LRRIQ3: variants seen among roughly 807,000 people sequenced by gnomAD.
LRRIQ3 encodes the protein leucine-rich repeat and IQ domain-containing protein 3.
In LRRIQ3, 75 loss-of-function variants were observed where a neutral mutation model predicts 59.3. The ratio of observed to expected loss-of-function variants is 1.26; its 90% CI spans 1.05 to 1.53. LRRIQ3 has a LOEUF of 1.53. Ranked by LOEUF, LRRIQ3 falls within the 40% of genes most tolerant of loss-of-function variation. LRRIQ3 has a pLI of 0.00. For synonymous variants in LRRIQ3, 250 were observed against 231.3 expected (o/e 1.08, Z -0.73); for missense variants, 831 against 710.0 (o/e 1.17, Z -1.94).
At chr1:74,134,255 C>G (rs140982377) in intron 4 of LRRIQ3, among the ~76,000 whole-genome samples, 10 of 152,070 alleles carry the variant, frequency 6.6e-5, no homozygotes, top group Non-Finnish European at 1.5e-4. Flanking sequence ...AATGAAAAGT[C>G]TTTATTGATG....
intron 3 of LRRIQ3, among the ~76,000 whole-genome samples, chr1:74,170,800 A>T (rs1187526825): frequency 1.3e-5 from 2 of 152,138 alleles, no homozygotes; most frequent in African/African-American, 2.4e-5. Context: ...TTTTTAGTCC[A>T]TGAACCCAGG....
At chr1:74,031,333 T>G (rs1293685614) in intron 7 of LRRIQ3, among the ~76,000 whole-genome samples, 1 of 152,126 alleles carries the variant, frequency 6.6e-6, no homozygotes, top group African/African-American at 2.4e-5. Flanking sequence ...TGCAGCACTA[T>G]TCACAAAAGC....
At chr1:74,119,941 C>T (rs1346853216) in intron 4 of LRRIQ3, among the ~76,000 whole-genome samples, 5 of 152,002 alleles carry the variant, frequency 3.3e-5, no homozygotes, top group Non-Finnish European at 2.9e-5. Context: ...TTCCCAGTAT[C>T]TCTACAAAAA....
intron 5 of LRRIQ3, among the ~76,000 whole-genome samples, chr1:74,075,711 G>A (rs1038946182): frequency 1.3e-5 from 2 of 152,202 alleles, no homozygotes; most frequent in African/African-American, 4.8e-5. Context: ...TAGTGACAGT[G>A]TTATCTGTTT....
chr1:74,100,156 C>G (rs570773822), intron 5 of LRRIQ3, among the ~76,000 whole-genome samples: 89 of 152,252 alleles, frequency 5.8e-4, no homozygotes, highest in African/African-American at 2.1e-3. Context: ...ATCTAGAAAA[C>G]CCCATCGTCT....
At chr1:74,108,587 T>C (rs1382380413) in intron 5 of LRRIQ3, among the ~76,000 whole-genome samples, 2 of 151,774 alleles carry the variant, frequency 1.3e-5, no homozygotes, top group Non-Finnish European at 2.9e-5. Context: ...GTAATAGAAA[T>C]ATTTGTAGTT....
intron 4 of LRRIQ3, among the ~76,000 whole-genome samples, chr1:74,141,232 CTTG>C (rs1423843091): frequency 5.9e-5 from 9 of 151,786 alleles, no homozygotes; most frequent in Non-Finnish European, 1.3e-4. Flanking sequence ...CCAAGATATT[CTTG>C]TTGTCTATTC....
At position 74,041,217 on chromosome 1, in the gene LRRIQ3, CT is replaced by C; in HGVS notation, c.1713del (p.Val572LeufsTer19). 1 of 1,571,112 alleles carries C rather than the reference CT, an allele frequency of 6.4e-7. No homozygotes were observed. Among genetic ancestry groups the C allele is most frequent in the South Asian group, 1.2e-5 (1 of 84,060 alleles). ...TTATATCTAAATTGTACCTACCTAA[CT>C]TTTTTCATTTCTTTAAGTAAATTCT... is the stretch of plus-strand genomic sequence containing the variant. ...YRKNLLKEMK[K>X]VRSQEIYKRH... On this transcript the variant is annotated frameshift_variant, in exon 7 of 8. Coordinates refer to ENST00000354431, the MANE Select transcript of LRRIQ3 (RefSeq NM_001105659.2). LOFTEE classifies it low-confidence loss of function (END_TRUNC).
intron 4 of LRRIQ3, among the ~76,000 whole-genome samples, chr1:74,143,697 T>C (rs1033227594): frequency 5.9e-5 from 9 of 151,658 alleles, no homozygotes; most frequent in African/African-American, 2.2e-4. Context: ...TTACATAATT[T>C]ACTATAACAA....
At chr1:74,060,597 T>G (rs1654694756) in intron 6 of LRRIQ3, among the ~76,000 whole-genome samples, 1 of 152,130 alleles carries the variant, frequency 6.6e-6, no homozygotes, top group African/African-American at 2.4e-5. Flanking sequence ...ATCCATTGGT[T>G]ATTGGAGAGA....
chr1:74,041,975 T>C (rs1267058742), intron 6 of LRRIQ3, 42 bp from the exon 7 acceptor site: 1 of 1,443,258 alleles, frequency 6.9e-7, no homozygotes, highest in Non-Finnish European at 9.1e-7. Flanking sequence ...ATACAAGAGC[T>C]AAGTACATTT....
At chr1:74,082,568 T>C (rs1646285312) in intron 5 of LRRIQ3, 1 of 151,488 alleles carries the variant, frequency 6.6e-6, no homozygotes, top group Non-Finnish European at 1.5e-5. Context: ...TTATGAAAGA[T>C]TTAGAAAAAA....
chr1:74,143,060 A>AT (rs1647333333), intron 4 of LRRIQ3, among the ~76,000 whole-genome samples: 1 of 151,996 alleles, frequency 6.6e-6, no homozygotes, highest in Non-Finnish European at 1.5e-5. Flanking sequence ...ATAAACATCT[A>AT]TTTTTTATTC....
chr1:74,183,417 T>C lies in LRRIQ3; in HGVS notation c.249+19A>G. On this transcript the variant is annotated intron_variant, in intron 2 of 7. Coordinates refer to ENST00000354431, the MANE Select transcript of LRRIQ3 (RefSeq NM_001105659.2). ...GAAATTTCGTTTATATGCAAATATC[T>C]GAAATGGCTATTGCTTACCTGATTT... The C allele has an allele frequency of 6.6e-7, 1 of 1,522,858 alleles. No individual in the cohort carries two copies. The highest frequency in any genetic ancestry group is 8.8e-7 in the Non-Finnish European group (1 of 1,136,226). The allele number at this position is 1,522,858 out of a possible 1,614,324, so 94.3% of individuals were successfully genotyped here. A position where few individuals can be genotyped will look rare whatever the true frequency, so the allele number is the denominator to read the frequency against.
chr1:74,083,503 A>T (rs1159180801), intron 5 of LRRIQ3: 1 of 151,700 alleles, frequency 6.6e-6, no homozygotes, highest in South Asian at 2.1e-4. Context: ...CCTGCAAGTG[A>T]CTGTAAGTCT....
At chr1:74,090,143 A>G (rs1383618149) in intron 5 of LRRIQ3, among the ~76,000 whole-genome samples, 2 of 152,156 alleles carry the variant, frequency 1.3e-5, no homozygotes, top group East Asian at 1.9e-4. Flanking sequence ...AGAAAACAAC[A>G]TATTTATCAT....
intron 4 of LRRIQ3, among the ~76,000 whole-genome samples, chr1:74,119,141 TTTTA>T (rs201145682): frequency 8.4e-6 from 1 of 119,608 alleles, no homozygotes; most frequent in Non-Finnish European, 2.0e-5. Context: ...AAAATTGTCA[TTTTA>T]TTTTTTAAAA....
chr1:74,183,325 A>G (rs543661627), intron 2 of LRRIQ3, 111 bp downstream of exon 2: 1 of 978,746 alleles, frequency 1.0e-6, no homozygotes, highest in Admixed American at 2.7e-5. Context: ...TTTTGTTTAT[A>G]TTTTAGACAA....
chr1:74,123,457 C>A (rs767102154), intron 4 of LRRIQ3, among the ~76,000 whole-genome samples: 3 of 151,926 alleles, frequency 2.0e-5, no homozygotes, highest in African/African-American at 7.2e-5. Context: ...CACCCTACTA[C>A]CCTTCCCAGC....
Sources: allele counts gnomAD v4.1 joint callset (sites outside exome capture counted in the v4.1 genomes callset), GRCh38; gene constraint gnomAD v4.1.1; transcripts MANE v1.5; gene names NCBI Gene and HGNC (gene_info 2026-07-23, HGNC 2026-07-21).